The following KLF12 variants were observed in gnomAD, a reference collection of about 807,000 sequenced individuals.
KLF12 encodes Krueppel-like factor 12.
A neutral mutation model predicts 37.8 loss-of-function variants in KLF12; 9 were observed. The observed-to-expected ratio is 0.24, with a 90% CI of 0.14 to 0.42. The LOEUF is 0.42. Ranked by LOEUF, KLF12 falls within the 10% of genes least tolerant of loss-of-function variation. The pLI, the probability that KLF12 is intolerant of heterozygous loss-of-function variation, is 1.00. For missense variants in KLF12, 411 were observed against 516.0 expected, an observed-to-expected ratio of 0.80 and a Z score of 1.97; for synonymous variants, 208 against 202.1, an observed-to-expected ratio of 1.03 and a Z score of -0.25.
At chr13:74,231,767 A>G in the KLF12 span, 1 of 152,208 alleles carries the variant, frequency 6.6e-6, no homozygotes, top group East Asian at 1.9e-4. Context: ...GTATCATTCA[A>G]TAGAGACTCT....
In KLF12 at chr13:73,707,620, G is replaced by C. The variant is rs80100108; in HGVS notation, c.1027+7748C>G. Among the ~76,000 whole-genome samples, 86 of 152,182 alleles carry C rather than the reference G, an allele frequency of 5.7e-4. 1 individual carries two copies. In the East Asian group the frequency reaches 0.016, roughly 28 times the overall value. ...AACCTAGATGGGGGGGTCTGAAATG[G>C]AGCTTTATGTGGAATGAGCTATTTA... is the stretch of plus-strand genomic sequence containing the variant. On this transcript the variant is annotated intron_variant, in intron 7 of 7. Transcript: ENST00000377669.
At chr13:73,905,302 T>C (rs765225975) in intron 3 of KLF12, among the ~76,000 whole-genome samples, 1 of 152,098 alleles carries the variant, frequency 6.6e-6, no homozygotes, top group East Asian at 1.9e-4. Flanking sequence ...AGGCTTTTAA[T>C]CTTTCCTGCC....
chr13:73,698,209 A>G (rs779206789), intron 7 of KLF12, among the ~76,000 whole-genome samples: 45 of 148,008 alleles, frequency 3.0e-4, no homozygotes, highest in Non-Finnish European at 5.4e-4. Context: ...AAAGGGAAGG[A>G]GGAGGGGAGG....
At chr13:73,709,681 A>G (rs770759193) in intron 7 of KLF12, among the ~76,000 whole-genome samples, 1 of 152,230 alleles carries the variant, frequency 6.6e-6, no homozygotes, top group African/African-American at 2.4e-5. Flanking sequence ...CATAGTAACT[A>G]TCTCTCTGCT....
chr13:74,002,432 T>C (rs188427751), intron 1 of KLF12, among the ~76,000 whole-genome samples: 9 of 152,344 alleles, frequency 5.9e-5, no homozygotes, highest in Non-Finnish European at 1.3e-4. Flanking sequence ...TACAGTGCAG[T>C]AGCACCATCA....
chr13:73,774,916 C>CTTTT (rs59877053), intron 5 of KLF12, among the ~76,000 whole-genome samples: 2 of 130,382 alleles, frequency 1.5e-5, no homozygotes, highest in Non-Finnish European at 3.3e-5. Context: ...CTCTCGCATT[C>CTTTT]TTTTTTTTTT....
the KLF12 span, among the ~76,000 whole-genome samples, chr13:74,231,060 T>G: frequency 6.6e-6 from 1 of 151,706 alleles, no homozygotes; most frequent in Non-Finnish European, 1.5e-5. Flanking sequence ...CCTGAAATGA[T>G]ACAGTAGTGT....
the KLF12 span, chr13:74,258,159 GTT>G: frequency 1.0e-4 from 9 of 85,788 alleles, no homozygotes; most frequent in Admixed American, 7.4e-4. Flanking sequence ...CTATTACTGT[GTT>G]TGTGTGTGTG....
intron 2 of KLF12, among the ~76,000 whole-genome samples, chr13:73,975,090 A>C (rs1033770041): frequency 6.6e-6 from 1 of 152,232 alleles, no homozygotes; most frequent in Non-Finnish European, 1.5e-5. Context: ...CATTAGTAAA[A>C]GATGTATGTT....
rs147813231 is a variant in KLF12 at position 73,716,641 on chromosome 13, C to T, written c.870-1116G>A. ...TCTTTCCAATTCTTTTAAATTATGT[C>T]TACCTATACAAATCTGCATTTACAG... On this transcript the variant is annotated intron_variant, in intron 6 of 7. Transcript: ENST00000377669. 2.6e-3 allele frequency among the ~76,000 whole-genome samples: 391 copies of T among 152,200 alleles called. 1 individual carries two copies. Among genetic ancestry groups the T allele is most frequent in the African/African-American group, 8.8e-3 (365 of 41,552 alleles).
chr13:73,696,784 G>A (rs1422473071), intron 7 of KLF12, among the ~76,000 whole-genome samples: 1 of 152,154 alleles, frequency 6.6e-6, no homozygotes, highest in Non-Finnish European at 1.5e-5. Flanking sequence ...AAAAAGATGT[G>A]CATGGCTCTC....
intron 2 of KLF12, among the ~76,000 whole-genome samples, chr13:73,983,392 C>A (rs1181929700): frequency 6.6e-6 from 1 of 152,214 alleles, no homozygotes; most frequent in African/African-American, 2.4e-5. Flanking sequence ...ATTCTTCTCT[C>A]CAGTATCAGT....
the KLF12 span, among the ~76,000 whole-genome samples, chr13:74,195,992 A>C: frequency 1.3e-5 from 2 of 152,228 alleles, no homozygotes; most frequent in Non-Finnish European, 2.9e-5. Context: ...TACTGTGGTT[A>C]CAAGGTATTA....
chr13:74,170,767 A>G, the KLF12 span, among the ~76,000 whole-genome samples: 2 of 152,042 alleles, frequency 1.3e-5, no homozygotes, highest in African/African-American at 4.8e-5. Flanking sequence ...CTAGTACCTT[A>G]TTTTATTTTA....
At chr13:74,047,563 T>C (rs537893748) in intron 1 of KLF12, among the ~76,000 whole-genome samples, 1 of 150,802 alleles carries the variant, frequency 6.6e-6, no homozygotes, top group African/African-American at 2.4e-5. Context: ...AGCCACTGCA[T>C]TCCAGCCTGG....
At chr13:73,881,919 TATAAA>T (rs1219031193) in intron 3 of KLF12, among the ~76,000 whole-genome samples, 1 of 152,180 alleles carries the variant, frequency 6.6e-6, no homozygotes, top group Non-Finnish European at 1.5e-5. Context: ...CAAAACTTAT[TATAAA>T]ATAAAATAAA....
At chr13:74,007,868 C>T (rs945916569) in intron 1 of KLF12, among the ~76,000 whole-genome samples, 4 of 148,642 alleles carry the variant, frequency 2.7e-5, no homozygotes, top group Admixed American at 6.7e-5. Flanking sequence ...ACAATGAGAA[C>T]AAACAACTGG....
chr13:74,005,738 T>C (rs1304496077), intron 1 of KLF12, among the ~76,000 whole-genome samples: 1 of 152,184 alleles, frequency 6.6e-6, no homozygotes, highest in Non-Finnish European at 1.5e-5. Flanking sequence ...GCATGGCACA[T>C]ACTATTTGGA....
chr13:73,703,480 A>T (rs1190027964), intron 7 of KLF12, among the ~76,000 whole-genome samples: 1 of 152,186 alleles, frequency 6.6e-6, no homozygotes, highest in Non-Finnish European at 1.5e-5. Context: ...TCAATATGCC[A>T]GTCTCCATCC....
Sources: allele counts gnomAD v4.1 joint callset (sites outside exome capture counted in the v4.1 genomes callset), GRCh38; gene constraint gnomAD v4.1.1; transcripts MANE v1.5; gene names NCBI Gene and HGNC (gene_info 2026-07-23, HGNC 2026-07-21).